ASAP1: variants seen among roughly 807,000 people sequenced by gnomAD.
ASAP1 encodes arf-GAP with SH3 domain, ANK repeat and PH domain-containing protein 1.
In ASAP1, 43 loss-of-function variants were observed where a neutral mutation model predicts 145.2. The ratio of observed to expected loss-of-function variants is 0.30; its 90% CI spans 0.23 to 0.38. The LOEUF (loss-of-function observed/expected upper bound fraction) is 0.38. ASAP1 is among the 10% of genes least tolerant of loss of function. ASAP1 has a pLI of 1.00. For synonymous variants in ASAP1, 546 were observed against 515.5 expected, an observed-to-expected ratio of 1.06 and a Z score of -0.80; for missense variants, 1,018 against 1,355.3, an observed-to-expected ratio of 0.75 and a Z score of 3.91.
chr8:130,382,044 T>A (rs914203098), intron 2 of ASAP1, among the ~76,000 whole-genome samples: 1 of 152,132 alleles, frequency 6.6e-6, no homozygotes, highest in African/African-American at 2.4e-5. Context: ...CCCAGCACTT[T>A]GGGAGGCCGA....
At position 130,196,403 on chromosome 8, in the gene ASAP1, T is replaced by C. The variant is rs989643981; in HGVS notation, c.406-8220A>G. ...TATCATTTCTGGCTTGCCTGAATAC[T>C]GCCCAACTCAGCTCCAAGCCCCTCT... On this transcript the variant is annotated intron_variant, in intron 5 of 29. Transcript: ENST00000518721. Among the ~76,000 whole-genome samples, 6 of 151,442 alleles carry C rather than the reference T, an allele frequency of 4.0e-5. 1 individual carries two copies. In the South Asian group the frequency reaches 6.3e-4, roughly 16 times the overall value.
intron 29 of ASAP1, among the ~76,000 whole-genome samples, chr8:130,055,376 GAAGGA>G (rs1003579260): frequency 6.6e-6 from 1 of 152,124 alleles, no homozygotes; most frequent in Non-Finnish European, 1.5e-5. Flanking sequence ...TCCTAGTTGG[GAAGGA>G]AGGGGTTTCT....
chr8:130,345,465 GTGTT>G (rs1365588078), intron 3 of ASAP1, among the ~76,000 whole-genome samples: 9 of 152,164 alleles, frequency 5.9e-5, no homozygotes, highest in Non-Finnish European at 1.0e-4. Context: ...CTCTGTATGT[GTGTT>G]TGTTTCCACC....
At chr8:130,103,040 C>T (rs1194897064) in intron 24 of ASAP1, among the ~76,000 whole-genome samples, 3 of 152,130 alleles carry the variant, frequency 2.0e-5, no homozygotes, top group Non-Finnish European at 4.4e-5. Flanking sequence ...ATAAAGCCAT[C>T]TGGTCCTGGA....
chr8:130,435,674 G>C (rs1830287946), intron 1 of ASAP1, among the ~76,000 whole-genome samples: 3 of 152,132 alleles, frequency 2.0e-5, no homozygotes, highest in Admixed American at 2.0e-4. Flanking sequence ...GGAGAACTGA[G>C]ACCCCTTTAT....
At chr8:130,147,079 T>C (rs1387426016) in intron 13 of ASAP1, among the ~76,000 whole-genome samples, 2 of 151,294 alleles carry the variant, frequency 1.3e-5, no homozygotes, top group South Asian at 2.1e-4. Flanking sequence ...TACTAAAAAT[T>C]AGCTGGCTGT....
At chr8:130,384,070 T>G (rs1433269321) in intron 2 of ASAP1, among the ~76,000 whole-genome samples, 1 of 152,198 alleles carries the variant, frequency 6.6e-6, no homozygotes, top group African/African-American at 2.4e-5. Context: ...GCCAGAGTCC[T>G]GTAGGATTAA....
At chr8:130,393,181 A>G (rs1828366496) in intron 2 of ASAP1, among the ~76,000 whole-genome samples, 1 of 152,116 alleles carries the variant, frequency 6.6e-6, no homozygotes, top group Non-Finnish European at 1.5e-5. Context: ...GTAGCGGTTT[A>G]CCATTTTAAA....
At chr8:130,133,007 A>G (rs1157785690) in intron 15 of ASAP1, among the ~76,000 whole-genome samples, 2 of 152,194 alleles carry the variant, frequency 1.3e-5, no homozygotes, top group Non-Finnish European at 2.9e-5. Context: ...AGTGAGTATA[A>G]GGCAAAAAGG....
intron 1 of ASAP1, among the ~76,000 whole-genome samples, chr8:130,428,152 C>T (rs949840134): frequency 2.6e-5 from 4 of 152,052 alleles, no homozygotes; most frequent in East Asian, 3.9e-4. Context: ...GTGAATCAAA[C>T]GTCACTTCAC....
At chr8:130,160,151 AAGCAAGTCCG>A in intron 11 of ASAP1, 187 bp from the exon 12 acceptor site, 1 of 570,340 alleles carries the variant, frequency 1.8e-6, no homozygotes, top group Non-Finnish European at 3.1e-6. Flanking sequence ...CAGAGTCACA[AAGCAAGTCCG>A]AGGCAGAGCT....
chr8:130,141,905 A>G (rs2097612632), intron 13 of ASAP1, among the ~76,000 whole-genome samples: 1 of 151,798 alleles, frequency 6.6e-6, no homozygotes, highest in Admixed American at 6.6e-5. Context: ...TTTTGTAGAG[A>G]TGGGATCTTG....
intron 12 of ASAP1, among the ~76,000 whole-genome samples, chr8:130,159,174 G>A (rs1029179465): frequency 6.6e-6 from 1 of 152,194 alleles, no homozygotes; most frequent in Non-Finnish European, 1.5e-5. Context: ...TAGAGCAGGG[G>A]CTGAGGGGAT....
At chr8:130,145,259 A>G (rs1215235426) in intron 13 of ASAP1, among the ~76,000 whole-genome samples, 1 of 152,236 alleles carries the variant, frequency 6.6e-6, no homozygotes, top group East Asian at 1.9e-4. Context: ...AAACCTTCAG[A>G]CTTGGAATAT....
intron 3 of ASAP1, among the ~76,000 whole-genome samples, chr8:130,342,817 C>T (rs2137936445): frequency 6.6e-6 from 1 of 152,220 alleles, no homozygotes; most frequent in South Asian, 2.1e-4. Context: ...CAAGTTGCTC[C>T]AAGAACCTGG....
chr8:130,258,130 T>G (rs1819679094), intron 3 of ASAP1, among the ~76,000 whole-genome samples: 1 of 152,220 alleles, frequency 6.6e-6, no homozygotes, highest in South Asian at 2.1e-4. Flanking sequence ...CCACAATGCC[T>G]TTTTAGGTTC....
chr8:130,146,486 T>C (rs1033682645), intron 13 of ASAP1, among the ~76,000 whole-genome samples: 3 of 152,128 alleles, frequency 2.0e-5, no homozygotes, highest in African/African-American at 4.8e-5. Context: ...CTTTCTAATC[T>C]GTTGGAGCGA....
intron 27 of ASAP1, among the ~76,000 whole-genome samples, chr8:130,072,117 ACAT>A (rs2097447941): frequency 6.6e-6 from 1 of 152,176 alleles, no homozygotes; most frequent in African/African-American, 2.4e-5. Flanking sequence ...AGGAATGCTG[ACAT>A]CATGAAGCTT....
intron 24 of ASAP1, among the ~76,000 whole-genome samples, chr8:130,103,529 G>A (rs2097532286): frequency 6.6e-6 from 1 of 151,838 alleles, no homozygotes; most frequent in South Asian, 2.1e-4. Flanking sequence ...TTGAGATGGA[G>A]TTTCGCTCTT....
Sources: gnomAD v4.1 joint callset for allele counts (sites outside exome capture counted in the v4.1 genomes callset) on GRCh38, gnomAD v4.1.1 for gene constraint, MANE v1.5 for transcripts, NCBI Gene and HGNC (gene_info 2026-07-23, HGNC 2026-07-21) for gene names.